NPEPPS: variants seen among roughly 807,000 people sequenced by gnomAD.
NPEPPS encodes the protein puromycin-sensitive aminopeptidase.
Under a neutral mutation model 115.5 loss-of-function variants are expected in NPEPPS, and 14 were observed. The ratio of observed to expected loss-of-function variants is 0.12; its 90% CI spans 0.08 to 0.19. The LOEUF is 0.19. Ranked by LOEUF, NPEPPS falls within the 10% of genes least tolerant of loss-of-function variation. NPEPPS has a pLI of 1.00. For synonymous variants in NPEPPS, 285 were observed against 390.6 expected (o/e 0.73, Z 3.19); for missense variants, 523 against 1,110.8 (o/e 0.47, Z 7.52).
At chr17:47,597,995 C>T (rs1052825892) in intron 13 of NPEPPS, among the ~76,000 whole-genome samples, 1 of 152,188 alleles carries the variant, frequency 6.6e-6, no homozygotes, top group Non-Finnish European at 1.5e-5. Context: ...AGTTTAGTGA[C>T]CTGCCACTGT....
intron 1 of NPEPPS, among the ~76,000 whole-genome samples, chr17:47,538,031 T>C (rs1243287782): frequency 6.6e-6 from 1 of 150,746 alleles, no homozygotes; most frequent in African/African-American, 2.4e-5. Flanking sequence ...GTAGCTGGGA[T>C]TACAGGCATG....
At chr17:47,559,124 A>G (rs1910263459) in intron 2 of NPEPPS, among the ~76,000 whole-genome samples, 2 of 151,256 alleles carry the variant, frequency 1.3e-5, no homozygotes, top group Admixed American at 6.6e-5. Context: ...GCTTACTGCA[A>G]CCTCAAACTC....
intron 3 of NPEPPS, among the ~76,000 whole-genome samples, chr17:47,573,097 A>AC (rs1312695887): frequency 1.3e-5 from 2 of 152,192 alleles, no homozygotes; most frequent in Admixed American, 6.5e-5. Flanking sequence ...TTTCAAAAAG[A>AC]CAGGAACATT....
At chr17:47,613,791 T>A in intron 19 of NPEPPS, 66 bp downstream of exon 19, 1 of 1,154,268 alleles carries the variant, frequency 8.7e-7, no homozygotes, top group Non-Finnish European at 1.3e-6. Context: ...AGTAAACCTC[T>A]AAATGGTTAA....
rs569223228 is a variant in NPEPPS, at chr17:47,553,088, T to C, written c.340+7095T>C. The stretch of plus-strand genomic sequence containing the variant: ...TGGAATCTTAAGATCCTTGAGGGGC[T>C]GGGCACTGTAGCTCATGGCTGTAAT... On this transcript the variant is annotated intron_variant, in intron 2 of 22. Coordinates refer to ENST00000322157, the MANE Select transcript of NPEPPS (RefSeq NM_006310.4). Among the ~76,000 whole-genome samples the C allele has an allele frequency of 5.9e-3, 895 of 152,174 alleles. 5 individuals are homozygous for C. The highest frequency in any genetic ancestry group is 0.017 in the African/African-American group (720 of 41,528).
At position 47,600,132 on chromosome 17, in the gene NPEPPS, T is replaced by C. The variant is rs114589164; in HGVS notation, c.1600+393T>C. Reference sequence around the variant, plus strand: ...TGTGCCCAGCCATAGAATTACTCTTTTAATGAATATATCTAACAAAGCTGG... The same window carrying C: ...TGTGCCCAGCCATAGAATTACTCTTCTAATGAATATATCTAACAAAGCTGG... On this transcript the variant is annotated intron_variant, in intron 14 of 22. Transcript: ENST00000322157. Among the ~76,000 whole-genome samples, 450 of 152,266 alleles carry C rather than the reference T, an allele frequency of 3.0e-3. 4 individuals are homozygous for C. The highest frequency in any genetic ancestry group is 0.01 in the African/African-American group (431 of 41,558).
intron 3 of NPEPPS, among the ~76,000 whole-genome samples, chr17:47,571,028 T>A (rs1911159843): frequency 6.6e-6 from 1 of 152,184 alleles, no homozygotes; most frequent in Non-Finnish European, 1.5e-5. Context: ...AGTAAAAAAT[T>A]ATAATTAATA....
At chr17:47,613,519 G>T in intron 18 of NPEPPS, 150 bp from the exon 19 acceptor site, 2 of 576,954 alleles carry the variant, frequency 3.5e-6, no homozygotes, top group East Asian at 3.2e-5. Flanking sequence ...CGCCTGCCTC[G>T]GCCTCCCAAA....
chr17:47,621,160 AAC>A (rs1426548704), intron 22 of NPEPPS, among the ~76,000 whole-genome samples: 4 of 145,724 alleles, frequency 2.7e-5, no homozygotes, highest in African/African-American at 1.0e-4. Context: ...TAGCCTGGGC[AAC>A]AGAGTGAGAC....
At chr17:47,613,756 T>G (rs751953289) in intron 19 of NPEPPS, 31 bp downstream of exon 19, 4 of 1,562,742 alleles carry the variant, frequency 2.6e-6, no homozygotes, top group Non-Finnish European at 3.5e-6. Context: ...TCCCATTTCC[T>G]GCTTTTGAAC....
chr17:47,546,823 C>T (rs1434447600), intron 2 of NPEPPS, among the ~76,000 whole-genome samples: 1 of 152,094 alleles, frequency 6.6e-6, no homozygotes, highest in East Asian at 1.9e-4. Flanking sequence ...TGTGAGCCAC[C>T]ACACCCGGCC....
intron 9 of NPEPPS, among the ~76,000 whole-genome samples, chr17:47,589,594 C>A (rs1597866993): frequency 6.6e-6 from 1 of 152,254 alleles, no homozygotes; most frequent in African/African-American, 2.4e-5. Flanking sequence ...GCTTAATCAA[C>A]TTTAATAAAA....
At position 47,592,079 on chromosome 17, in the gene NPEPPS, T is replaced by C. The variant is rs758918719; in HGVS notation, c.1365+19T>C. The C allele has an allele frequency of 1.7e-5, 24 of 1,430,264 alleles. No individual in the cohort carries two copies. The highest frequency in any genetic ancestry group is 3.5e-5 in the Admixed American group (2 of 56,462). 88.6% of individuals were successfully genotyped at this position (1,430,264 alleles called of 1,614,324 possible). ...GGATAAGGTAAAAAAAAACTTTAAA[T>C]ATTTCATTCTTTTATGGTGAAATCA... On this transcript the variant is annotated intron_variant, in intron 11 of 22. Transcript: ENST00000322157.
chr17:47,529,773 G>A (rs2611986), upstream of NPEPPS, among the ~76,000 whole-genome samples: 2,830 of 52,838 alleles, frequency 0.054, no homozygotes, highest in African/African-American at 0.14. Context: ...ATATGCATTT[G>A]TATATATACC....
chr17:47,612,511 C>G lies in NPEPPS; in HGVS notation c.2147C>G (p.Ala716Gly). ...TTGGTTCTGGGAAAACTAGGAAAAGCAGGACATAAGGCAACGTTAGAAGAA... is the reference window on the plus strand; with the variant it reads ...TTGGTTCTGGGAAAACTAGGAAAAGGAGGACATAAGGCAACGTTAGAAGAA... ...RGLVLGKLGK[A>G]GHKATLEEAR... is the part of the protein sequence containing the mutation. The change falls in exon 18 of 23, where the codon GCA becomes GGA. Residue 716 changes from alanine (A) to glycine (G), a missense_variant. Physicochemically the swap from Ala to Gly is moderately conservative, Grantham distance 60. Coordinates refer to ENST00000322157, the MANE Select transcript of NPEPPS (RefSeq NM_006310.4). The G allele has an allele frequency of 1.2e-6, 2 of 1,613,916 alleles. No individual in the cohort carries two copies. The highest frequency in any genetic ancestry group is 1.7e-6 in the Non-Finnish European group (2 of 1,179,868).
At chr17:47,615,226 C>T (rs568694033) in intron 19 of NPEPPS, among the ~76,000 whole-genome samples, 1 of 151,928 alleles carries the variant, frequency 6.6e-6, no homozygotes, top group African/African-American at 2.4e-5. Flanking sequence ...TACAGGCACC[C>T]GCCACCACAC....
chr17:47,568,003 C>T (rs1411546303), intron 2 of NPEPPS, among the ~76,000 whole-genome samples: 1 of 152,056 alleles, frequency 6.6e-6, no homozygotes, highest in East Asian at 1.9e-4. Flanking sequence ...TTTCATTTCT[C>T]TTGGATATAT....
chr17:47,539,094 C>G (rs1346612072), intron 1 of NPEPPS, among the ~76,000 whole-genome samples: 8 of 146,510 alleles, frequency 5.5e-5, no homozygotes, highest in South Asian at 2.1e-4. Flanking sequence ...GGCTTTTCAT[C>G]TAGGCCTTTT....
intron 2 of NPEPPS, among the ~76,000 whole-genome samples, chr17:47,546,630 GTGGGTTCAAGCAGTTCT>G (rs1418615918): frequency 2.0e-5 from 3 of 151,966 alleles, no homozygotes; most frequent in African/African-American, 7.3e-5. Flanking sequence ...TCTCTGCCTC[GTGGGTTCAAGCAGTTCT>G]CCCTGCCTCA....
Sources: gnomAD v4.1 joint callset for allele counts (sites outside exome capture counted in the v4.1 genomes callset) on GRCh38, gnomAD v4.1.1 for gene constraint, MANE v1.5 for transcripts, NCBI Gene and HGNC (gene_info 2026-07-23, HGNC 2026-07-21) for gene names.